Variants in TEX15 observed in about 807,000 individuals in gnomAD.
The protein encoded by TEX15 is testis expressed 15, meiosis and synapsis associated, also known as testis-expressed protein 15.
A neutral mutation model predicts 237.3 loss-of-function variants in TEX15; 171 were observed. That is an observed-to-expected ratio of 0.72 (90% CI 0.64 to 0.82). The LOEUF is 0.82. TEX15 is among the 40% of genes least tolerant of loss of function. The pLI is 0.00. For synonymous variants in TEX15, 1,338 were observed against 1,269.8 expected (o/e 1.05, Z -1.14); for missense variants, 3,750 against 3,646.5 (o/e 1.03, Z -0.73).
Position 30,843,954 on chromosome 8 carries a change from G to A in TEX15, c.6213C>T (p.Asp2071=). 6.2e-7 allele frequency: 1 copy of A among 1,613,004 alleles called. No individual in the cohort carries two copies. Residue 2071 remains aspartate, a synonymous_variant, in exon 8 of 11, where the codon GAC becomes GAT. Coordinates refer to ENST00000643185, the MANE Select transcript of TEX15 (RefSeq NM_001350162.2). ...TCATCATTTGAAGTTCTACCAAAGT[G>A]TCAACAGCACATGGTTTTAATGTGT... ...CKHTLKPCAV[D]TLVELQMMME...
chr8:30,847,166 C>G lies in TEX15; in HGVS notation c.3001G>C (p.Asp1001His), dbSNP rs200329872. ...TCTTTAAACTGGTATATCTGGTGAT[C>G]GTCATTATTTAGGCTTAATGCAGGC... ...TMPALSLNND[D>H]HQIYQFKETC... The change falls in exon 8 of 11, where the codon GAT becomes CAT. Residue 1001 changes from aspartate to histidine, a missense_variant. Transcript: ENST00000643185. The G allele has an allele frequency of 1.1e-5, 18 of 1,613,818 alleles. No individual in the cohort carries two copies. The highest frequency in any genetic ancestry group is 1.4e-5 in the Non-Finnish European group (16 of 1,179,850).
chr8:30,840,170 T>A (rs566510492), intron 8 of TEX15, among the ~76,000 whole-genome samples: 4 of 152,134 alleles, frequency 2.6e-5, no homozygotes, highest in Middle Eastern at 3.4e-3. Flanking sequence ...TTAAAAAAAA[T>A]AAATTTGTAA....
At position 30,842,500 on chromosome 8, in the gene TEX15, T is replaced by C. The variant is rs1265923240; in HGVS notation, c.7667A>G (p.Lys2556Arg). 6.8e-6 allele frequency: 11 copies of C among 1,612,370 alleles called. No homozygotes were observed. The highest frequency in any genetic ancestry group is 1.3e-5 in the African/African-American group (1 of 74,888). The change falls in exon 8 of 11, where the codon AAG (lysine) becomes AGG (arginine). Residue 2556 changes from lysine to arginine, a missense_variant. Physicochemically the swap from Lys to Arg is conservative, Grantham distance 26. Coordinates refer to ENST00000643185, the MANE Select transcript of TEX15 (RefSeq NM_001350162.2). ...TGTGGAAATAAAATACTTGGACTTC[T>C]TCAGAAGCTTTTTTATTTCTGAAAG... ...QELSEIKKLL[K>R]KSKYFISTYI...
intron 2 of TEX15, among the ~76,000 whole-genome samples, chr8:30,892,975 G>A (rs908631795): frequency 6.6e-6 from 1 of 150,878 alleles, no homozygotes; most frequent in Non-Finnish European, 1.5e-5. Context: ...GGAGCTTGCA[G>A]TGAGCCGAGA....
intron 2 of TEX15, among the ~76,000 whole-genome samples, chr8:30,889,989 T>C (rs1489405959): frequency 1.7e-5 from 2 of 115,596 alleles, no homozygotes; most frequent in Non-Finnish European, 3.5e-5. Context: ...AATCAGGAAG[T>C]TTGAATTCTG....
rs1807543696 is a variant in TEX15 at position 30,844,475 on chromosome 8, G to A, written c.5692C>T (p.His1898Tyr). Reference protein sequence around the residue: ...KIITTNLIDSHLSTKNTTTES... With the variant: ...KIITTNLIDSYLSTKNTTTES... ...GTGGTAGTATTTTTAGTGCTCAGAT[G>A]GGAATCAATCAAGTTAGTTGTAATA... The change falls in exon 8 of 11, where the codon CAT (histidine) becomes TAT (tyrosine). Residue 1898 changes from histidine to tyrosine, a missense_variant. By Grantham distance (83) the His-to-Tyr change is moderately conservative (BLOSUM62 2). Transcript: ENST00000643185. The A allele has an allele frequency of 6.2e-7, 1 of 1,613,082 alleles. No homozygotes were observed.
chr8:30,839,856 C>A lies in TEX15; in HGVS notation c.8222+50G>T, dbSNP rs755707972. On this transcript the variant is annotated intron_variant, in intron 9 of 10. Coordinates refer to ENST00000643185, the MANE Select transcript of TEX15 (RefSeq NM_001350162.2). ...TGTTATTCTAGTTGTTTAGTATTTG[C>A]CCAATTTTGTTCAATTTTTTTTCCA... 4 of 1,272,500 alleles carry A rather than the reference C, an allele frequency of 3.1e-6. No homozygotes were observed. In the African/African-American group the frequency reaches 6.0e-5, roughly 19 times the overall value. 78.8% of individuals were successfully genotyped at this position (1,272,500 alleles called of 1,614,324 possible).
intron 7 of TEX15, among the ~76,000 whole-genome samples, chr8:30,858,213 C>T (rs767463322): frequency 2.0e-4 from 31 of 151,630 alleles, no homozygotes; most frequent in Admixed American, 6.6e-4. Flanking sequence ...AAACCTAATA[C>T]TGAGCAAAAT....
In TEX15 at chr8:30,844,019, C is replaced by G. The variant is rs367594731; in HGVS notation, c.6148G>C (p.Glu2050Gln). ...CACAGGTTTTGGTCTACCAACAGTT[C>G]TCTTGAAATCAGGATTTGTTCAACT... ...CSVEQILISR[E>Q]LLVDQNLWNN... The change falls in exon 8 of 11, where the codon GAA becomes CAA. Residue 2050 changes from glutamate (E) to glutamine (Q), a missense_variant. Glu to Gln is a conservative substitution (Grantham distance 29). Transcript: ENST00000643185. The G allele has an allele frequency of 3.1e-6, 5 of 1,611,466 alleles. No individual in the cohort carries two copies. The African/African-American group carries it at 5.3e-5, about 17-fold the overall frequency.
chr8:30,836,759 A>C, intron 10 of TEX15, 44 bp downstream of exon 10: 2 of 1,492,338 alleles, frequency 1.3e-6, no homozygotes, highest in South Asian at 1.3e-5. Context: ...GACACAGTTA[A>C]AAGTAACAAC....
intron 1 of TEX15, among the ~76,000 whole-genome samples, chr8:30,900,946 T>C (rs888173391): frequency 6.6e-6 from 1 of 152,144 alleles, no homozygotes; most frequent in African/African-American, 2.4e-5. Flanking sequence ...TTGCTTGAGG[T>C]CAGGAGTTTG....
intron 1 of TEX15, among the ~76,000 whole-genome samples, chr8:30,904,446 CAA>C (rs200542503): frequency 0.021 from 2,154 of 102,022 alleles, 41 homozygotes; most frequent in African/African-American, 0.065. Context: ...GACTCCGTCT[CAA>C]AAAAAAAAAA....
At position 30,845,385 on chromosome 8, in the gene TEX15, A is replaced by G. The variant is rs995829422; in HGVS notation, c.4782T>C (p.Asn1594=). The change falls in exon 8 of 11, where the codon AAT becomes AAC. Residue 1594 remains asparagine, a synonymous_variant. Coordinates refer to ENST00000643185, the MANE Select transcript of TEX15 (RefSeq NM_001350162.2). Reference sequence around the variant, plus strand: ...CTTTAGTTGCATCTTTAACATTATGATTTGCTGAATGTTTTTCAAGCTTTT... The same window carrying G: ...CTTTAGTTGCATCTTTAACATTATGGTTTGCTGAATGTTTTTCAAGCTTTT... ...KYEKLEKHSA[N]HNVKDATKEN... 8.1e-6 allele frequency: 13 copies of G among 1,611,186 alleles called. No homozygotes were observed. The highest frequency in any genetic ancestry group is 1.7e-5 in the Admixed American group (1 of 59,720).
Position 30,843,820 on chromosome 8 carries a change from T to C in TEX15, c.6347A>G (p.Lys2116Arg). 6.2e-7 allele frequency: 1 copy of C among 1,612,918 alleles called. No individual in the cohort carries two copies. Among genetic ancestry groups the C allele is most frequent in the Non-Finnish European group, 8.5e-7 (1 of 1,179,456 alleles). The stretch of plus-strand genomic sequence containing the variant: ...AGACTGCTGTTGAAATCCACGTGGT[T>C]TTCCAAGAAGCTCAGCATACAGTGT... Reference protein sequence around the residue: ...DETLYAELLGKPRGFQQQSNF... With the variant: ...DETLYAELLGRPRGFQQQSNF... Residue 2116 changes from lysine to arginine, a missense_variant, in exon 8 of 11, where the codon AAA becomes AGA. Lys to Arg is a conservative substitution (Grantham distance 26). Coordinates refer to ENST00000643185, the MANE Select transcript of TEX15 (RefSeq NM_001350162.2).
Position 30,845,605 on chromosome 8 carries a change from A to AACTGTGATT in TEX15, c.4561_4562insAATCACAGT (p.Val1521delinsGluSerGlnLeu), listed in dbSNP as rs1807583977. 6.2e-7 allele frequency: 1 copy of AACTGTGATT among 1,613,644 alleles called. No individual in the cohort carries two copies. The highest frequency in any genetic ancestry group is 2.2e-5 in the East Asian group (1 of 44,868). On this transcript the variant is annotated protein_altering_variant, in exon 8 of 11. Coordinates refer to ENST00000643185, the MANE Select transcript of TEX15 (RefSeq NM_001350162.2). ...ACTTGTACTTTGGGATGTGGAGGATACAGGCAACTGTGATTCAGGATGTTC... is the reference window on the plus strand; with the variant it reads ...ACTTGTACTTTGGGATGTGGAGGATAACTGTGATTCAGGCAACTGTGATTCAGGATGTTC...
chr8:30,881,843 A>C (rs1161610425), intron 3 of TEX15, among the ~76,000 whole-genome samples: 1 of 151,820 alleles, frequency 6.6e-6, no homozygotes, highest in Non-Finnish European at 1.5e-5. Flanking sequence ...GGCTAGTCTC[A>C]AACTCCTGAA....
Position 30,837,656 on chromosome 8 carries a change from A to C in TEX15, c.8628T>G (p.Leu2876=), listed in dbSNP as rs941097308. 1 of 1,614,062 alleles carries C rather than the reference A, an allele frequency of 6.2e-7. No individual in the cohort carries two copies. Among genetic ancestry groups the C allele is most frequent in the African/African-American group, 1.3e-5 (1 of 75,040 alleles). ...NSPDPTQKSC[L]SDINPETDVS... ...CATCAGTTTCTGGGTTTATATCAGAAAGGCAGGATTTTTGGGTGGGATCTG... is the reference window on the plus strand; with the variant it reads ...CATCAGTTTCTGGGTTTATATCAGACAGGCAGGATTTTTGGGTGGGATCTG... Residue 2876 remains leucine (L), a synonymous_variant, in exon 10 of 11, where the codon CTT becomes CTG. Coordinates refer to ENST00000643185, the MANE Select transcript of TEX15 (RefSeq NM_001350162.2).
chr8:30,911,660 A>C (rs970470807), intron 1 of TEX15, among the ~76,000 whole-genome samples: 43 of 152,264 alleles, frequency 2.8e-4, no homozygotes, highest in African/African-American at 1.0e-3. Flanking sequence ...TTTAAACTTG[A>C]AGGGAACCGT....
chr8:30,883,988 C>T (rs980395109), intron 3 of TEX15, among the ~76,000 whole-genome samples: 7 of 152,084 alleles, frequency 4.6e-5, no homozygotes, highest in Admixed American at 1.3e-4. Flanking sequence ...TGGGATCAAG[C>T]GTTCCTCCCA....
Sources: gnomAD v4.1 joint callset for allele counts (sites outside exome capture counted in the v4.1 genomes callset) on GRCh38, gnomAD v4.1.1 for gene constraint, MANE v1.5 for transcripts, NCBI Gene and HGNC (gene_info 2026-07-23, HGNC 2026-07-21) for gene names.